Variants in GABRG3 observed in about 807,000 individuals in gnomAD.
GABRG3 encodes the protein gamma-aminobutyric acid receptor subunit gamma-3.
GABRG3 carries 25 observed loss-of-function variants against 48.8 expected under a neutral mutation model. The ratio of observed to expected loss-of-function variants is 0.51; its 90% CI spans 0.37 to 0.72. The LOEUF is 0.72. GABRG3 is among the 30% of genes least tolerant of loss of function. GABRG3 has a pLI of 0.00. For missense variants in GABRG3, 394 were observed against 577.9 expected, an observed-to-expected ratio of 0.68 and a Z score of 3.26; for synonymous variants, 227 against 217.6, an observed-to-expected ratio of 1.04 and a Z score of -0.38.
In GABRG3 at chr15:27,451,335, C is replaced by G. The variant is rs371330132; in HGVS notation, c.575-29315C>G. ...AAATAGCATACTACTGACACAAAAA[C>G]AGAAACACAAACCAATGGAACAGAA... is the stretch of plus-strand genomic sequence containing the variant. On this transcript the variant is annotated intron_variant, in intron 5 of 9. Coordinates refer to ENST00000615808, the MANE Select transcript of GABRG3 (RefSeq NM_033223.5). Among the ~76,000 whole-genome samples the G allele has an allele frequency of 2.0e-5, 3 of 152,142 alleles. No homozygotes were observed. The East Asian group carries it at 5.8e-4, about 29-fold the overall frequency.
intron 3 of GABRG3, among the ~76,000 whole-genome samples, chr15:27,283,671 G>A (rs751872548): frequency 1.3e-3 from 197 of 152,152 alleles, no homozygotes; most frequent in Non-Finnish European, 1.9e-3. Flanking sequence ...ATCAGTCTTC[G>A]CTCAGGGACT....
At chr15:27,115,443 G>A (rs1237219335) in intron 3 of GABRG3, among the ~76,000 whole-genome samples, 1 of 152,170 alleles carries the variant, frequency 6.6e-6, no homozygotes, top group Non-Finnish European at 1.5e-5. Context: ...TCCTGATCAC[G>A]TGGGCATTTT....
chr15:27,533,249 T>G lies in GABRG3; in HGVS notation c.*368T>G, dbSNP rs1891473453. The G allele has an allele frequency of 4.2e-6, 1 of 238,574 alleles. No individual in the cohort carries two copies. Among genetic ancestry groups the G allele is most frequent in the Non-Finnish European group, 8.2e-6 (1 of 121,754 alleles). 14.8% of individuals were successfully genotyped at this position (238,574 alleles called of 1,614,324 possible). On this transcript the variant is annotated 3_prime_UTR_variant, in exon 10 of 10. Transcript: ENST00000615808. Reference sequence around the variant, plus strand: ...CTGAGATGCTCTCTCAGGCCTCTAGTCCTTCTGTATCTTTCCTTTGCAGCC... The same window carrying G: ...CTGAGATGCTCTCTCAGGCCTCTAGGCCTTCTGTATCTTTCCTTTGCAGCC...
intron 5 of GABRG3, among the ~76,000 whole-genome samples, chr15:27,426,376 C>T (rs1291077393): frequency 6.6e-6 from 1 of 152,176 alleles, no homozygotes; most frequent in Non-Finnish European, 1.5e-5. Flanking sequence ...CTTCCAAAGA[C>T]GTAACTTTGC....
At chr15:27,427,673 C>A (rs1888332185) in intron 5 of GABRG3, among the ~76,000 whole-genome samples, 1 of 152,186 alleles carries the variant, frequency 6.6e-6, no homozygotes, top group Non-Finnish European at 1.5e-5. Flanking sequence ...ATGTTCAGTT[C>A]TCATTTAATC....
At chr15:27,428,839 AT>A (rs1888368129) in intron 5 of GABRG3, among the ~76,000 whole-genome samples, 1 of 152,330 alleles carries the variant, frequency 6.6e-6, no homozygotes, top group Non-Finnish European at 1.5e-5. Context: ...GGGAAAAAAA[AT>A]TAGGTCAATT....
At chr15:27,360,299 G>A (rs1308259663) in intron 5 of GABRG3, among the ~76,000 whole-genome samples, 2 of 152,160 alleles carry the variant, frequency 1.3e-5, no homozygotes, top group Non-Finnish European at 2.9e-5. Flanking sequence ...TCCAAGCATG[G>A]ACAGAAGGGA....
chr15:27,504,913 C>T (rs1268822535), intron 6 of GABRG3, among the ~76,000 whole-genome samples: 1 of 152,174 alleles, frequency 6.6e-6, no homozygotes, highest in Non-Finnish European at 1.5e-5. Flanking sequence ...AATTTATTTA[C>T]ATTTTGCTCA....
At chr15:27,505,127 C>T (rs1890731775) in intron 6 of GABRG3, among the ~76,000 whole-genome samples, 1 of 152,112 alleles carries the variant, frequency 6.6e-6, no homozygotes, top group South Asian at 2.1e-4. Context: ...CTCTTCAAAT[C>T]TATGATAATT....
At chr15:27,068,324 G>A (rs527450414) in intron 3 of GABRG3, among the ~76,000 whole-genome samples, 29 of 152,332 alleles carry the variant, frequency 1.9e-4, no homozygotes, top group South Asian at 8.3e-4. Flanking sequence ...GGAAACTGCT[G>A]CAGGAGCCTG....
At chr15:27,472,784 C>T (rs1235825575) in intron 5 of GABRG3, among the ~76,000 whole-genome samples, 1 of 152,134 alleles carries the variant, frequency 6.6e-6, no homozygotes, top group African/African-American at 2.4e-5. Context: ...TATGTACTCT[C>T]TCTCTGTCTC....
intron 5 of GABRG3, chr15:27,428,314 G>A: frequency 6.6e-6 from 1 of 152,184 alleles, no homozygotes; most frequent in Admixed American, 6.5e-5. Context: ...CCCACTAAGT[G>A]TGAAAATATA....
At chr15:27,060,575 G>A (rs1448394959) in intron 3 of GABRG3, among the ~76,000 whole-genome samples, 1 of 152,202 alleles carries the variant, frequency 6.6e-6, no homozygotes. Flanking sequence ...TGAACTTGAT[G>A]GAATCATTCT....
intron 3 of GABRG3, among the ~76,000 whole-genome samples, chr15:27,320,829 G>T (rs917965993): frequency 2.0e-5 from 3 of 152,100 alleles, no homozygotes; most frequent in African/African-American, 7.2e-5. Context: ...AACAAATATT[G>T]ATTTTTCATA....
intron 3 of GABRG3, among the ~76,000 whole-genome samples, chr15:27,212,204 C>T (rs562565684): frequency 9.2e-5 from 14 of 152,284 alleles, no homozygotes; most frequent in South Asian, 4.1e-4. Flanking sequence ...CAAGTGATTA[C>T]GGAAGCAGTA....
At chr15:27,501,270 A>G (rs1356317895) in intron 6 of GABRG3, among the ~76,000 whole-genome samples, 1 of 152,208 alleles carries the variant, frequency 6.6e-6, no homozygotes, top group East Asian at 1.9e-4. Flanking sequence ...TATGTTTCTA[A>G]ATGTTGAAAT....
intron 5 of GABRG3, among the ~76,000 whole-genome samples, chr15:27,393,917 A>G (rs1887223637): frequency 6.6e-6 from 1 of 152,150 alleles, no homozygotes; most frequent in African/African-American, 2.4e-5. Flanking sequence ...ATAATAAATT[A>G]TCATTATTGG....
intron 3 of GABRG3, among the ~76,000 whole-genome samples, chr15:27,306,351 C>A (rs1247105570): frequency 1.9e-5 from 2 of 105,726 alleles, no homozygotes; most frequent in African/African-American, 6.1e-5. Context: ...ATAAACATGT[C>A]TACATATAAA....
chr15:27,147,751 A>C (rs1214925332), intron 3 of GABRG3, among the ~76,000 whole-genome samples: 1 of 152,026 alleles, frequency 6.6e-6, no homozygotes, highest in East Asian at 1.9e-4. Context: ...AACCATAAGG[A>C]AATTAGAAAA....
Sources: gnomAD v4.1 joint callset for allele counts (sites outside exome capture counted in the v4.1 genomes callset) on GRCh38, gnomAD v4.1.1 for gene constraint, MANE v1.5 for transcripts, NCBI Gene and HGNC (gene_info 2026-07-23, HGNC 2026-07-21) for gene names.